Variants in SIK2 observed in about 807,000 individuals in gnomAD.
SIK2 encodes salt inducible kinase 2.
In SIK2, 29 loss-of-function variants were observed where a neutral mutation model predicts 103.2. The observed-to-expected ratio is 0.28, with a 90% CI of 0.21 to 0.38. The LOEUF (loss-of-function observed/expected upper bound fraction) is 0.38. Ranked by LOEUF, SIK2 falls within the 10% of genes least tolerant of loss-of-function variation. SIK2 has a pLI of 1.00. For missense variants in SIK2, 879 were observed against 1,171.0 expected (o/e 0.75, Z 3.64); for synonymous variants, 412 against 446.1 (o/e 0.92, Z 0.96).
At chr11:111,620,521 T>A (rs768013442) in intron 3 of SIK2, 119 bp downstream of exon 3, 2 of 635,468 alleles carry the variant, frequency 3.1e-6, no homozygotes, top group Admixed American at 3.2e-5. Flanking sequence ...GAAAAAAAAT[T>A]AAGTGTTAGA....
intron 1 of SIK2, among the ~76,000 whole-genome samples, chr11:111,607,009 C>A (rs1941658181): frequency 6.6e-6 from 1 of 151,218 alleles, no homozygotes; most frequent in South Asian, 2.1e-4. Flanking sequence ...AAAATCACAA[C>A]CCCAAAGATA....
rs75997369 is a variant in SIK2, at chr11:111,723,796, G to A, written c.2448G>A (p.Thr816=). The change falls in exon 15 of 15, where the codon ACG becomes ACA. Residue 816 remains threonine, a synonymous_variant. Coordinates refer to ENST00000304987, the MANE Select transcript of SIK2 (RefSeq NM_015191.3). ...SGPRAAPPLP[T]QLQQQQPPPP... is the part of the protein sequence containing the mutation. The stretch of plus-strand genomic sequence containing the variant: ...CCCGGGCTGCTCCTCCTCTGCCCAC[G>A]CAGCTACAGCAGCAGCAGCCGCCAC... 814 of 1,613,614 alleles carry A rather than the reference G, an allele frequency of 5.0e-4. 7 individuals carry two copies. The African/African-American group carries it at 9.4e-3, about 19-fold the overall frequency.
At chr11:111,605,341 T>C (rs971542508) in intron 1 of SIK2, among the ~76,000 whole-genome samples, 4 of 152,206 alleles carry the variant, frequency 2.6e-5, no homozygotes, top group Admixed American at 6.5e-5. Context: ...TTTATCCTTA[T>C]TCGTTCATTC....
At chr11:111,644,014 G>A (rs942866900) in intron 3 of SIK2, among the ~76,000 whole-genome samples, 5 of 151,748 alleles carry the variant, frequency 3.3e-5, no homozygotes, top group South Asian at 2.1e-4. Flanking sequence ...GAGGCCAGGC[G>A]TGGTGGCTAA....
Position 111,726,742 on chromosome 11 carries a change from G to A in SIK2, c.*2613G>A, listed in dbSNP as rs370637712. 3.3e-4 allele frequency: 182 copies of A among 554,948 alleles called. 3 individuals carry two copies. In the East Asian group the frequency reaches 3.6e-3, roughly 11 times the overall value. The allele number at this position is 554,948 out of a possible 1,614,324, so 34.4% of individuals were successfully genotyped here. ...CAAAACACTAAGAAGGCTTAGTATC[G>A]CTCTTTTTCTGCGGGGCTACTCTGA... On this transcript the variant is annotated 3_prime_UTR_variant, in exon 15 of 15. Transcript: ENST00000304987.
chr11:111,608,085 G>A (rs1941671952), intron 1 of SIK2, among the ~76,000 whole-genome samples: 1 of 152,072 alleles, frequency 6.6e-6, no homozygotes, highest in Non-Finnish European at 1.5e-5. Context: ...AATGTACCTA[G>A]TACCTCTTCT....
At chr11:111,690,221 T>C (rs1026695991) in intron 4 of SIK2, among the ~76,000 whole-genome samples, 7 of 151,538 alleles carry the variant, frequency 4.6e-5, no homozygotes, top group African/African-American at 1.7e-4. Context: ...TGTTTAATGC[T>C]CCTTGAAAGC....
Position 111,724,266 on chromosome 11 carries a change from G to C in SIK2, c.*137G>C. ...AAATCGAGCCACCCAACTGGAATCAGAGGGTCTGGCTGGGGTGGATGTTGC... is the reference window on the plus strand; with the variant it reads ...AAATCGAGCCACCCAACTGGAATCACAGGGTCTGGCTGGGGTGGATGTTGC... On this transcript the variant is annotated 3_prime_UTR_variant, in exon 15 of 15. Coordinates refer to ENST00000304987, the MANE Select transcript of SIK2 (RefSeq NM_015191.3). The C allele has an allele frequency of 1.6e-6, 2 of 1,275,546 alleles. No individual in the cohort carries two copies. The highest frequency in any genetic ancestry group is 1.1e-6 in the Non-Finnish European group (1 of 951,152). 79.0% of individuals were successfully genotyped at this position (1,275,546 alleles called of 1,614,324 possible).
At chr11:111,651,157 A>G (rs1488665424) in intron 3 of SIK2, among the ~76,000 whole-genome samples, 1 of 152,220 alleles carries the variant, frequency 6.6e-6, no homozygotes, top group Non-Finnish European at 1.5e-5. Context: ...AACCAAAAGT[A>G]ATTTAAATTT....
rs775262173 is a variant in SIK2, at chr11:111,724,012, G to A, written c.2664G>A (p.Leu888=). 4 of 1,614,182 alleles carry A rather than the reference G, an allele frequency of 2.5e-6. No homozygotes were observed. Among genetic ancestry groups the A allele is most frequent in the Non-Finnish European group, 3.4e-6 (4 of 1,180,024 alleles). Residue 888 remains leucine (L), a synonymous_variant, in exon 15 of 15, where the codon CTG becomes CTA. Transcript: ENST00000304987. The part of the protein sequence containing the change: ...TGPDCPRSPG[L]QEAPSSYDPL... ...CAGACTGTCCCAGAAGCCCAGGACT[G>A]CAAGAGGCCCCCTCCAGCTACGACC... is the stretch of plus-strand genomic sequence containing the variant.
chr11:111,718,406 T>C (rs1476562127), intron 9 of SIK2, among the ~76,000 whole-genome samples: 3 of 152,334 alleles, frequency 2.0e-5, no homozygotes, highest in Non-Finnish European at 2.9e-5. Flanking sequence ...AGAGTTTTGC[T>C]TTCTGCTGCC....
At chr11:111,713,566 A>C (rs1437993576) in intron 9 of SIK2, among the ~76,000 whole-genome samples, 1 of 152,244 alleles carries the variant, frequency 6.6e-6, no homozygotes, top group Non-Finnish European at 1.5e-5. Context: ...TTAGATAATA[A>C]AAAGATGAGT....
At chr11:111,704,337 C>T (rs1943289920) in intron 7 of SIK2, among the ~76,000 whole-genome samples, 2 of 152,304 alleles carry the variant, frequency 1.3e-5, no homozygotes, top group South Asian at 2.1e-4. Context: ...CCCAAAGGAG[C>T]AGTTGTTTCT....
In SIK2 at chr11:111,703,245, C is replaced by T; in HGVS notation, c.770C>T (p.Ser257Phe). 1 of 1,614,152 alleles carries T rather than the reference C, an allele frequency of 6.2e-7. No homozygotes were observed. Among genetic ancestry groups the T allele is most frequent in the Non-Finnish European group, 8.5e-7 (1 of 1,180,024 alleles). ...LIRRMLVLDP[S>F]KRLTIAQIKE... ...CGAAGGATGTTGGTCCTAGACCCATCCAAACGGCTAACCATAGCCCAAATC... is the reference window on the plus strand; with the variant it reads ...CGAAGGATGTTGGTCCTAGACCCATTCAAACGGCTAACCATAGCCCAAATC... Residue 257 changes from serine to phenylalanine, a missense_variant, in exon 7 of 15, where the codon TCC becomes TTC. By Grantham distance (155) the Ser-to-Phe change is radical. Coordinates refer to ENST00000304987, the MANE Select transcript of SIK2 (RefSeq NM_015191.3).
intron 3 of SIK2, chr11:111,672,200 C>A (rs1035644898): frequency 7.5e-5 from 30 of 398,146 alleles, no homozygotes; most frequent in African/African-American, 5.6e-4. Flanking sequence ...GCTGTGATGC[C>A]CCCCCATACC....
chr11:111,670,450 C>A (rs1942609970), intron 3 of SIK2, among the ~76,000 whole-genome samples: 1 of 152,226 alleles, frequency 6.6e-6, no homozygotes, highest in African/African-American at 2.4e-5. Flanking sequence ...AGAATCAAAT[C>A]CAAAGGGATT....
chr11:111,604,474 A>G (rs987152576), intron 1 of SIK2, among the ~76,000 whole-genome samples: 10 of 152,236 alleles, frequency 6.6e-5, no homozygotes, highest in Admixed American at 5.2e-4. Context: ...ATTATTTATC[A>G]GGTCAAATTT....
At chr11:111,671,688 C>A in intron 3 of SIK2, 1 of 383,584 alleles carries the variant, frequency 2.6e-6, no homozygotes. Flanking sequence ...ACAGCAGCTC[C>A]TGGATCTCCT....
chr11:111,621,896 G>A (rs1482757925), intron 3 of SIK2, among the ~76,000 whole-genome samples: 1 of 151,772 alleles, frequency 6.6e-6, no homozygotes, highest in Non-Finnish European at 1.5e-5. Flanking sequence ...CTGGGCAACA[G>A]AGTGAGATTT....
Sources: allele counts gnomAD v4.1 joint callset (sites outside exome capture counted in the v4.1 genomes callset), GRCh38; gene constraint gnomAD v4.1.1; transcripts MANE v1.5; gene names NCBI Gene and HGNC (gene_info 2026-07-23, HGNC 2026-07-21).